ANGPT4: variants seen among roughly 807,000 people sequenced by gnomAD.
ANGPT4 encodes the protein angiopoietin-4.
A neutral mutation model predicts 53.0 loss-of-function variants in ANGPT4; 50 were observed. The ratio of observed to expected loss-of-function variants is 0.94; its 90% CI spans 0.75 to 1.20. The LOEUF (loss-of-function observed/expected upper bound fraction) is 1.20, where lower values mean the gene tolerates loss of function less well. ANGPT4 is among the 50% of genes most tolerant of loss of function. The pLI, the probability that ANGPT4 is intolerant of heterozygous loss-of-function variation, is 0.00. For missense variants in ANGPT4, 648 were observed against 637.1 expected (o/e 1.02, Z -0.18); for synonymous variants, 251 against 259.7 (o/e 0.97, Z 0.32).
rs191729779 is a variant in ANGPT4, at chr20:907,587, C to G, written c.309+8319G>C. ...TATGTGGTCAGCACTGTTCTAACCA[C>G]TAGGTATATGAAGTCCTTGCAGCCA... On this transcript the variant is annotated intron_variant, in intron 1 of 8. Transcript: ENST00000381922. Among the ~76,000 whole-genome samples the G allele has an allele frequency of 1.2e-4, 19 of 152,322 alleles. No individual in the cohort carries two copies. In the East Asian group the frequency reaches 3.7e-3, roughly 29 times the overall value.
chr20:906,077 C>T (rs1233725374), intron 1 of ANGPT4, among the ~76,000 whole-genome samples: 3 of 152,188 alleles, frequency 2.0e-5, no homozygotes, highest in Non-Finnish European at 1.5e-5. Context: ...TGCTCATGCC[C>T]TTGTGTAGTC....
chr20:882,426 G>T (rs909297041), intron 4 of ANGPT4, among the ~76,000 whole-genome samples: 1 of 152,170 alleles, frequency 6.6e-6, no homozygotes, highest in African/African-American at 2.4e-5. Flanking sequence ...CTACCACAGG[G>T]TGGGACTTCC....
rs1221967216 is a variant in ANGPT4, at chr20:914,198, C to T, written c.309+1708G>A. 1.3e-5 allele frequency among the ~76,000 whole-genome samples: 2 copies of T among 152,078 alleles called. No homozygotes were observed. The highest frequency in any genetic ancestry group is 2.9e-5 in the Non-Finnish European group (2 of 67,996). On this transcript the variant is annotated intron_variant, in intron 1 of 8. Transcript: ENST00000381922. This position sits in a 1 kb window ranked among gnomAD's most constrained non-coding sequence, Gnocchi z 5.0. ...GTGAGCAAAAGAGACATGGCGCCTGCCCTCTGGGAGCTCACACACCAAAAG... is the reference window on the plus strand; with the variant it reads ...GTGAGCAAAAGAGACATGGCGCCTGTCCTCTGGGAGCTCACACACCAAAAG...
Position 872,800 on chromosome 20 carries a change from A to C in ANGPT4, c.*160T>G. The C allele has an allele frequency of 3.6e-6, 3 of 829,748 alleles. No individual in the cohort carries two copies. In the South Asian group the frequency reaches 5.1e-5, roughly 14 times the overall value. 51.4% of individuals were successfully genotyped at this position (829,748 alleles called of 1,614,324 possible). A position where few individuals can be genotyped will look rare whatever the true frequency, so the allele number is the denominator to read the frequency against. On this transcript the variant is annotated 3_prime_UTR_variant, in exon 9 of 9. Transcript: ENST00000381922. ...CACAGACGGAGGGGAGTTGGGGGGC[A>C]GATGACCCTTCTGGACTTCTGGGTC...
chr20:895,723 C>T (rs1171809387), intron 1 of ANGPT4, among the ~76,000 whole-genome samples: 2 of 152,130 alleles, frequency 1.3e-5, no homozygotes, highest in Non-Finnish European at 2.9e-5. Context: ...CAGTGGACTC[C>T]ATTGAGCAAT....
intron 1 of ANGPT4, among the ~76,000 whole-genome samples, chr20:890,847 C>G (rs1981817745): frequency 6.6e-6 from 1 of 151,706 alleles, no homozygotes. Flanking sequence ...CAAGCATGTG[C>G]CCACAGCTGT....
intron 5 of ANGPT4, among the ~76,000 whole-genome samples, 159 bp from the exon 6 acceptor site, chr20:880,007 C>A (rs1022233738): frequency 9.2e-5 from 14 of 152,200 alleles, no homozygotes; most frequent in Non-Finnish European, 2.9e-5. Context: ...AATTCCCCAC[C>A]CATTGTCATC....
intron 1 of ANGPT4, among the ~76,000 whole-genome samples, chr20:896,679 G>A (rs1032231792): frequency 1.3e-5 from 2 of 152,202 alleles, no homozygotes; most frequent in African/African-American, 4.8e-5. Context: ...GAAGCTGTGT[G>A]TGAATCACAG....
At chr20:880,249 A>T (rs1337396936) in intron 5 of ANGPT4, among the ~76,000 whole-genome samples, 1 of 152,172 alleles carries the variant, frequency 6.6e-6, no homozygotes, top group Non-Finnish European at 1.5e-5. Context: ...GTGTGTGAGA[A>T]GTGTAAAAGA....
At chr20:898,021 G>C (rs764166204) in intron 1 of ANGPT4, among the ~76,000 whole-genome samples, 6 of 152,156 alleles carry the variant, frequency 3.9e-5, no homozygotes, top group Non-Finnish European at 8.8e-5. Context: ...CTGATGTCCA[G>C]GCATTCTTTC....
chr20:875,344 A>G (rs1981123264), intron 7 of ANGPT4, among the ~76,000 whole-genome samples: 2 of 152,138 alleles, frequency 1.3e-5, no homozygotes, highest in Non-Finnish European at 2.9e-5. Flanking sequence ...TGACTACACC[A>G]GCCCCCATGG....
chr20:907,955 T>C (rs1481135143), intron 1 of ANGPT4, among the ~76,000 whole-genome samples: 1 of 152,188 alleles, frequency 6.6e-6, no homozygotes, highest in Non-Finnish European at 1.5e-5. Flanking sequence ...CCCACACAAA[T>C]GAGTAAACTA....
intron 1 of ANGPT4, among the ~76,000 whole-genome samples, chr20:902,941 AG>A (rs1982341810): frequency 6.6e-6 from 1 of 152,174 alleles, no homozygotes; most frequent in Admixed American, 6.5e-5. Context: ...ATGGAGGTTC[AG>A]GCTCAGAGTC....
chr20:888,940 A>G (rs1258168648), intron 2 of ANGPT4, among the ~76,000 whole-genome samples: 1 of 152,170 alleles, frequency 6.6e-6, no homozygotes, highest in African/African-American at 2.4e-5. Flanking sequence ...GCAAGGCCCT[A>G]TGGTGTGATC....
At position 908,131 on chromosome 20, in the gene ANGPT4, G is replaced by A. The variant is rs1302599403; in HGVS notation, c.309+7775C>T. Among the ~76,000 whole-genome samples, 3 of 152,102 alleles carry A rather than the reference G, an allele frequency of 2.0e-5. No individual in the cohort carries two copies. Among genetic ancestry groups the A allele is most frequent in the Non-Finnish European group, 4.4e-5 (3 of 68,014 alleles). ...GGTCAGACAAAGATGGTGGAAGCTG[G>A]CTCAGAGGTCCACAGTCTATCAGAG... On this transcript the variant is annotated intron_variant, in intron 1 of 8. Coordinates refer to ENST00000381922, the MANE Select transcript of ANGPT4 (RefSeq NM_015985.4). The surrounding 1 kb of genome is among the most constrained non-coding windows in gnomAD (Gnocchi z 4.9).
intron 3 of ANGPT4, among the ~76,000 whole-genome samples, 174 bp from the exon 4 acceptor site, chr20:885,499 C>T (rs117372415): frequency 6.6e-6 from 1 of 152,214 alleles, no homozygotes; most frequent in Non-Finnish European, 1.5e-5. Flanking sequence ...GATACCCGGC[C>T]CTGGAGTAAT....
At chr20:885,045 T>G in intron 4 of ANGPT4, 33 bp downstream of exon 4, 1 of 1,612,444 alleles carries the variant, frequency 6.2e-7, no homozygotes, top group African/African-American at 1.3e-5. Context: ...CTGCCCGTCT[T>G]TAGCCACACT....
chr20:888,271 T>TCCAGCC, intron 3 of ANGPT4, 47 bp downstream of exon 3: 1 of 1,585,038 alleles, frequency 6.3e-7, no homozygotes, highest in Non-Finnish European at 8.6e-7. Flanking sequence ...TAAACTTGAC[T>TCCAGCC]CCAGCCCCAG....
intron 1 of ANGPT4, among the ~76,000 whole-genome samples, chr20:913,226 A>C (rs2122142048): frequency 6.6e-6 from 1 of 152,302 alleles, no homozygotes; most frequent in East Asian, 1.9e-4. Context: ...AGCCAAAAAA[A>C]GGCTTTGAGT....
Sources: gnomAD v4.1 joint callset for allele counts (sites outside exome capture counted in the v4.1 genomes callset) on GRCh38, gnomAD v4.1.1 for gene constraint, Gnocchi (gnomAD v3.1) non-coding constraint, MANE v1.5 for transcripts, NCBI Gene and HGNC (gene_info 2026-07-23, HGNC 2026-07-21) for gene names.